PUDP: variants seen among roughly 807,000 people sequenced by gnomAD.
The protein encoded by PUDP is pseudouridine-5'-phosphatase.
A neutral mutation model predicts 9.4 loss-of-function variants in PUDP; 8 were observed. The ratio of observed to expected loss-of-function variants is 0.85; its 90% confidence interval spans 0.50 to 1.53. The LOEUF (loss-of-function observed/expected upper bound fraction) is 1.53. Ranked by LOEUF, PUDP falls within the 40% of genes most tolerant of loss-of-function variation. PUDP has a pLI of 0.00. For synonymous variants in PUDP, 99 were observed against 80.7 expected (o/e 1.23, Z -1.22); for missense variants, 188 against 189.7 (o/e 0.99, Z 0.05).
rs1486639206 is a variant in PUDP at position 6,982,190 on chromosome X, A to ATTG, written c.205-3848_205-3847insCAA. On this transcript the variant is annotated intron_variant and NMD_transcript_variant, in intron 1 of 3. Transcript: ENST00000655425. ...GAGCCACACACACACACACAGACAC[A>ATTG]ATGTGTACACAGGTGTTCATAGTGT... 6.3e-5 allele frequency among the ~76,000 whole-genome samples: 7 copies of ATTG among 111,841 alleles called. No individual in the cohort carries two copies. The Admixed American group carries it at 6.6e-4, about 11-fold the overall frequency.
rs1202813678 is a variant in PUDP, at chrX:7,024,732, G to A, written c.205-46389C>T. 8.8e-5 allele frequency among the ~76,000 whole-genome samples: 8 copies of A among 90,990 alleles called. No individual in the cohort carries two copies. The South Asian group carries it at 3.7e-3, about 42-fold the overall frequency. The allele number at this position is 90,990 out of a possible 115,157, so 79.0% of individuals were successfully genotyped here. A position where few individuals can be genotyped will look rare whatever the true frequency, so the allele number is the denominator to read the frequency against. ...CTCCCAAGTAACTGGGACTACAGGC[G>A]CTCGCCACCTCGCCCGGCTAACTTT... is the stretch of plus-strand genomic sequence containing the variant. On this transcript the variant is annotated intron_variant and NMD_transcript_variant, in intron 1 of 3. Coordinates refer to the PUDP transcript ENST00000655425.
intron 3 of PUDP, among the ~76,000 whole-genome samples, chrX:6,924,937 G>A (rs779890615): frequency 1.8e-5 from 2 of 112,119 alleles, no homozygotes; most frequent in East Asian, 2.8e-4. Context: ...GTGGGAAGAC[G>A]AGCTGCTGTT....
chrX:6,917,414 G>A (rs1927953217), intron 3 of PUDP, among the ~76,000 whole-genome samples: 2 of 110,067 alleles, frequency 1.8e-5, no homozygotes, highest in Admixed American at 1.9e-4. Context: ...TTTGTTTGCA[G>A]GAGGCAAACA....
intron 1 of PUDP, among the ~76,000 whole-genome samples, chrX:7,109,959 T>C (rs761503095): frequency 8.9e-6 from 1 of 112,266 alleles, no homozygotes; most frequent in Non-Finnish European, 1.9e-5. Flanking sequence ...AAAATATCCC[T>C]TGTGACTGTG....
intron 3 of PUDP, among the ~76,000 whole-genome samples, chrX:7,069,244 T>G (rs1930658094): frequency 9.0e-6 from 1 of 110,845 alleles, no homozygotes; most frequent in Non-Finnish European, 1.9e-5. Flanking sequence ...GATGCCAGGA[T>G]GAAATGCCCC....
intron 3 of PUDP, among the ~76,000 whole-genome samples, chrX:6,879,860 G>C (rs1212639822): frequency 9.0e-6 from 1 of 110,918 alleles, no homozygotes; most frequent in East Asian, 2.9e-4. Flanking sequence ...TGGGGCCATG[G>C]GACCCGCTGG....
chrX:6,971,519 C>T (rs1185102734), intron 3 of PUDP, among the ~76,000 whole-genome samples: 1 of 107,340 alleles, frequency 9.3e-6, no homozygotes, highest in African/African-American at 3.4e-5. Flanking sequence ...CTGGTTCATG[C>T]CATTCTCCTG....
intron 3 of PUDP, among the ~76,000 whole-genome samples, chrX:6,923,587 T>C (rs1433492301): frequency 9.0e-6 from 1 of 111,459 alleles, no homozygotes; most frequent in Non-Finnish European, 1.9e-5. Context: ...GGGAAATCCA[T>C]CAAGATGTAT....
chrX:7,081,868 A>G (rs1366080648), intron 2 of PUDP, among the ~76,000 whole-genome samples: 4 of 113,066 alleles, frequency 3.5e-5, no homozygotes, highest in Non-Finnish European at 7.5e-5. Flanking sequence ...TGTCGTTATC[A>G]TCAGATATAG....
chrX:7,133,243 C>G (rs963246348), intron 1 of PUDP, among the ~76,000 whole-genome samples: 2 of 111,682 alleles, frequency 1.8e-5, no homozygotes, highest in South Asian at 7.5e-4. Flanking sequence ...CACTGGGAAA[C>G]GTAGACAGGA....
At chrX:7,066,336 T>TA (rs1207330527) in intron 3 of PUDP, among the ~76,000 whole-genome samples, 2 of 111,338 alleles carry the variant, frequency 1.8e-5, no homozygotes, top group Middle Eastern at 4.6e-3. Context: ...AGTCCAGAAA[T>TA]AAAAAAATAC....
In PUDP at chrX:7,065,177, A is replaced by C. The variant is rs1006056389; in HGVS notation, c.510+12043T>G. Among the ~76,000 whole-genome samples, 4 of 111,558 alleles carry C rather than the reference A, an allele frequency of 3.6e-5. No homozygotes were observed. In the Admixed American group the frequency reaches 3.8e-4, roughly 11 times the overall value. On this transcript the variant is annotated intron_variant, in intron 3 of 3. Coordinates refer to ENST00000381077, the MANE Select transcript of PUDP (RefSeq NM_012080.5). The stretch of plus-strand genomic sequence containing the variant: ...CAAACCAAAAAAAGAAAAAACAAAA[A>C]ACAAAAAACAAACTCGGGCTTCTCA...
chrX:7,139,462 T>G (rs1932775618), intron 1 of PUDP, among the ~76,000 whole-genome samples: 1 of 111,817 alleles, frequency 8.9e-6, no homozygotes, highest in African/African-American at 3.3e-5. Flanking sequence ...GCAGGAAGAT[T>G]TGCTGGATAC....
At chrX:6,809,802 A>G (rs1270478531) in intron 3 of PUDP, among the ~76,000 whole-genome samples, 1 of 111,700 alleles carries the variant, frequency 9.0e-6, no homozygotes, top group Non-Finnish European at 1.9e-5. Flanking sequence ...CACAGTTGCA[A>G]AAGAAGACAT....
At chrX:7,022,411 A>G (rs1929645288) in intron 1 of PUDP, among the ~76,000 whole-genome samples, 1 of 112,177 alleles carries the variant, frequency 8.9e-6, no homozygotes, top group South Asian at 3.7e-4. Context: ...CAGCAAGGGT[A>G]AGATTTCCCA....
intron 3 of PUDP, among the ~76,000 whole-genome samples, chrX:7,067,629 G>A (rs1420232763): frequency 8.9e-6 from 1 of 112,007 alleles, no homozygotes; most frequent in Non-Finnish European, 1.9e-5. Context: ...GTAGTGGCAG[G>A]AGATGGAGAC....
chrX:6,737,606 G>A (rs1360908668), intron 3 of PUDP, among the ~76,000 whole-genome samples: 1 of 106,628 alleles, frequency 9.4e-6, no homozygotes, highest in Non-Finnish European at 1.9e-5. Flanking sequence ...GGGAGGGAGG[G>A]AGGGAGAGTA....
At chrX:7,016,750 C>T (rs1929555181) in intron 1 of PUDP, among the ~76,000 whole-genome samples, 1 of 110,733 alleles carries the variant, frequency 9.0e-6, no homozygotes, top group South Asian at 3.9e-4. Context: ...GGGTGCTGGA[C>T]AGTGGGGAGG....
At chrX:7,120,469 C>T (rs1932312740) in intron 1 of PUDP, among the ~76,000 whole-genome samples, 1 of 111,783 alleles carries the variant, frequency 8.9e-6, no homozygotes. Flanking sequence ...CTTGATTTTA[C>T]CAACTGAGAC....
Sources: gnomAD v4.1 joint callset for allele counts (sites outside exome capture counted in the v4.1 genomes callset) on GRCh38, gnomAD v4.1.1 for gene constraint, MANE v1.5 for transcripts, NCBI Gene and HGNC (gene_info 2026-07-23, HGNC 2026-07-21) for gene names.